The following LOXL2 variants were observed in gnomAD, a reference collection of about 807,000 sequenced individuals.
The protein encoded by LOXL2 is lysyl oxidase like 2.
LOXL2 carries 70 observed loss-of-function variants against 93.0 expected under a neutral mutation model. The observed-to-expected ratio is 0.75, with a 90% confidence interval of 0.62 to 0.92. LOXL2 has a LOEUF of 0.92. Among genes scored for constraint, LOXL2 ranks in the 40% least tolerant of loss-of-function variants. The pLI is 0.00. For synonymous variants in LOXL2, 438 were observed against 413.2 expected (o/e 1.06, Z -0.73); for missense variants, 973 against 1,054.9 (o/e 0.92, Z 1.08).
chr8:23,339,759 G>A (rs113770635), intron 4 of LOXL2, among the ~76,000 whole-genome samples: 209 of 152,346 alleles, frequency 1.4e-3, no homozygotes, highest in African/African-American at 4.9e-3. Context: ...GGTGCCAACA[G>A]GAAGGTCTGG....
At chr8:23,326,871 C>T (rs1315958175) in intron 6 of LOXL2, among the ~76,000 whole-genome samples, 1 of 152,222 alleles carries the variant, frequency 6.6e-6, no homozygotes, top group Non-Finnish European at 1.5e-5. Flanking sequence ...CTCCAAACTT[C>T]AGTGCACACC....
chr8:23,333,149 C>A (rs111248236), intron 5 of LOXL2, among the ~76,000 whole-genome samples: 3 of 152,188 alleles, frequency 2.0e-5, no homozygotes, highest in African/African-American at 4.8e-5. Context: ...GTCGCACAAC[C>A]CTTCATCGTC....
chr8:23,354,642 G>A (rs1804155250), intron 3 of LOXL2, among the ~76,000 whole-genome samples: 1 of 151,132 alleles, frequency 6.6e-6, no homozygotes, highest in Non-Finnish European at 1.5e-5. Context: ...TACACATGGT[G>A]CGCGATGTCA....
intron 3 of LOXL2, among the ~76,000 whole-genome samples, chr8:23,354,477 T>A (rs1585366663): frequency 6.6e-6 from 1 of 152,110 alleles, no homozygotes; most frequent in South Asian, 2.1e-4. Context: ...CACTTTGATA[T>A]GAAGAGTGAA....
intron 1 of LOXL2, among the ~76,000 whole-genome samples, chr8:23,388,971 A>C (rs1444813386): frequency 6.6e-6 from 1 of 152,066 alleles, no homozygotes; most frequent in Non-Finnish European, 1.5e-5. Context: ...TACTGTTACA[A>C]TTGTCCAACA....
At chr8:23,317,461 A>C (rs1261212831) in intron 8 of LOXL2, among the ~76,000 whole-genome samples, 1 of 152,176 alleles carries the variant, frequency 6.6e-6, no homozygotes, top group Non-Finnish European at 1.5e-5. Flanking sequence ...ATTGCTAATC[A>C]ATCACAGCAC....
chr8:23,322,303 G>A lies in LOXL2; in HGVS notation c.1151-22C>T, dbSNP rs754196114. 6 of 1,607,228 alleles carry A rather than the reference G, an allele frequency of 3.7e-6. No homozygotes were observed. The South Asian group carries it at 5.5e-5, about 15-fold the overall frequency. On this transcript the variant is annotated intron_variant, in intron 6 of 13. Coordinates refer to ENST00000389131, the MANE Select transcript of LOXL2 (RefSeq NM_002318.3). ...ATCCCTGCAAGGGGAGAATAAACAT[G>A]CTCTATGAAAGCTTTGGAAGGAAAC...
At chr8:23,387,418 G>A (rs892901925) in intron 1 of LOXL2, among the ~76,000 whole-genome samples, 2 of 152,070 alleles carry the variant, frequency 1.3e-5, no homozygotes, top group South Asian at 4.1e-4. Flanking sequence ...CCAGGGTCTC[G>A]GGCACCTCCC....
In LOXL2 at chr8:23,317,063, C is replaced by T. The variant is rs1266968978; in HGVS notation, c.1522G>A (p.Gly508Arg). ...AGCTCCGTTCCCGAGCACTTCACTC[C>T]ACTCATGACCACTTTGTTGCTGTTG... ...DVNSNKVVMS[G>R]VKCSGTELSL... Residue 508 changes from glycine (G) to arginine (R), a missense_variant, in exon 9 of 14, where the codon GGA becomes AGA. Gly to Arg is a moderately radical substitution (Grantham distance 125). Coordinates refer to ENST00000389131, the MANE Select transcript of LOXL2 (RefSeq NM_002318.3). 1 of 1,614,206 alleles carries T rather than the reference C, an allele frequency of 6.2e-7. No homozygotes were observed. The highest frequency in any genetic ancestry group is 8.5e-7 in the Non-Finnish European group (1 of 1,180,024).
At chr8:23,298,724 T>C (rs1803078609) in intron 13 of LOXL2, 112 bp downstream of exon 13, 1 of 668,060 alleles carries the variant, frequency 1.5e-6, no homozygotes, top group Admixed American at 2.2e-5. Context: ...GGAAATGTGA[T>C]GCTGGCTGCA....
intron 1 of LOXL2, among the ~76,000 whole-genome samples, chr8:23,379,636 C>T (rs182506135): frequency 0.027 from 2,638 of 98,942 alleles, 41 homozygotes; most frequent in Non-Finnish European, 0.035. Context: ...TCAGCAATGG[C>T]GGGCGCCCCT....
chr8:23,333,427 T>C lies in LOXL2; in HGVS notation c.940A>G (p.Arg314Gly), dbSNP rs757834113. The C allele has an allele frequency of 3.1e-6, 5 of 1,613,820 alleles. No individual in the cohort carries two copies. Among genetic ancestry groups the C allele is most frequent in the Non-Finnish European group, 3.4e-6 (4 of 1,180,028 alleles). Residue 314 changes from arginine (R) to glycine (G), a missense_variant, in exon 5 of 14, where the codon AGA becomes GGA. Physicochemically the swap from Arg to Gly is moderately radical, Grantham distance 125 (BLOSUM62 -2). Coordinates refer to ENST00000389131, the MANE Select transcript of LOXL2 (RefSeq NM_002318.3). ...GQVFSPDGPSRFRKAYKPEQP... is the reference protein window; with the variant it reads ...GQVFSPDGPSGFRKAYKPEQP... ...TCTGGCTTGTACGCTTTCCGGAATC[T>C]TGAGGGTCCGTCAGGGCTGAAGACC...
Position 23,346,182 on chromosome 8 carries a change from T to TA in LOXL2, c.532-4980dup, listed in dbSNP as rs1554479845. 3.8e-3 allele frequency among the ~76,000 whole-genome samples: 383 copies of TA among 100,438 alleles called. 1 individual carries two copies. Among genetic ancestry groups the TA allele is most frequent in the African/African-American group, 0.013 (288 of 21,552 alleles). 65.9% of individuals were successfully genotyped at this position (100,438 alleles called of 152,430 possible). On this transcript the variant is annotated intron_variant, in intron 3 of 13. Transcript: ENST00000389131. ...AAAAAATAAAATAAAATAAATAAAA[T>TA]AATAAAATAAAATAAAATAAAATAA...
chr8:23,370,238 C>T (rs1282485405), intron 1 of LOXL2, among the ~76,000 whole-genome samples: 2 of 152,154 alleles, frequency 1.3e-5, no homozygotes, highest in Admixed American at 6.5e-5. Context: ...TAGAACAACG[C>T]GCCTCCATCC....
chr8:23,335,188 C>A (rs1353905641), intron 4 of LOXL2, among the ~76,000 whole-genome samples: 3 of 152,078 alleles, frequency 2.0e-5, no homozygotes, highest in East Asian at 1.9e-4. Flanking sequence ...TGGCAGGAGA[C>A]CCCCTCACCC....
intron 10 of LOXL2, among the ~76,000 whole-genome samples, chr8:23,307,929 T>G (rs2117144587): frequency 8.4e-6 from 1 of 118,526 alleles, no homozygotes; most frequent in East Asian, 2.8e-4. Context: ...GATTTGAATG[T>G]GACTAGGTCA....
intron 10 of LOXL2, among the ~76,000 whole-genome samples, chr8:23,309,111 A>G (rs931876950): frequency 5.9e-5 from 9 of 151,610 alleles, no homozygotes; most frequent in Non-Finnish European, 1.2e-4. Context: ...CAGCCTCCCA[A>G]GTAGCTGAGG....
At chr8:23,388,623 TCA>T (rs10522826) in intron 1 of LOXL2, among the ~76,000 whole-genome samples, 8,810 of 142,662 alleles carry the variant, frequency 0.062, 275 homozygotes, top group Middle Eastern at 0.12. Context: ...AAAAATATAC[TCA>T]CACACACACA....
intron 7 of LOXL2, chr8:23,321,718 C>A (rs772297641): frequency 2.6e-4 from 44 of 168,368 alleles, no homozygotes; most frequent in Non-Finnish European, 4.8e-4. Context: ...AAGAAGGGAG[C>A]GAAGTGTGTG....
Sources: gnomAD v4.1 joint callset for allele counts (sites outside exome capture counted in the v4.1 genomes callset) on GRCh38, gnomAD v4.1.1 for gene constraint, MANE v1.5 for transcripts, NCBI Gene and HGNC (gene_info 2026-07-23, HGNC 2026-07-21) for gene names.